RAB27A: variants seen among roughly 807,000 people sequenced by gnomAD.
RAB27A encodes ras-related protein Rab-27A.
RAB27A carries 17 observed loss-of-function variants against 20.8 expected under a neutral mutation model. The observed-to-expected ratio is 0.82, with a 90% CI of 0.56 to 1.23. The LOEUF (loss-of-function observed/expected upper bound fraction) is 1.23. Among genes scored for constraint, RAB27A ranks in the 50% most tolerant of loss-of-function variants. RAB27A has a pLI of 0.00. For missense variants in RAB27A, 277 were observed against 266.7 expected (o/e 1.04, Z -0.27); for synonymous variants, 85 against 92.8 (o/e 0.92, Z 0.48).
chr15:55,235,448 CA>C (rs1185497773), intron 2 of RAB27A, among the ~76,000 whole-genome samples: 2 of 150,604 alleles, frequency 1.3e-5, no homozygotes, highest in African/African-American at 4.9e-5. Context: ...AACTCTGTCT[CA>C]AAATAAAAAA....
chr15:55,228,738 A>C (rs754731192), intron 4 of RAB27A, 26 bp from the exon 5 acceptor site: 1 of 1,522,032 alleles, frequency 6.6e-7, no homozygotes, highest in Admixed American at 1.7e-5. Context: ...CAGAATGGTC[A>C]GTTAAACCAC....
At chr15:55,270,600 C>A (rs1024331298) in intron 1 of RAB27A, among the ~76,000 whole-genome samples, 2 of 152,196 alleles carry the variant, frequency 1.3e-5, no homozygotes, top group African/African-American at 2.4e-5. Context: ...TGAATCAAAA[C>A]AGTAGAACAT....
intron 5 of RAB27A, among the ~76,000 whole-genome samples, chr15:55,227,632 G>T (rs758367178): frequency 6.6e-6 from 1 of 152,140 alleles, no homozygotes; most frequent in Non-Finnish European, 1.5e-5. Flanking sequence ...TACTTTTTAA[G>T]GCTCAATGTC....
chr15:55,210,546 C>A (rs528710734), intron 6 of RAB27A, among the ~76,000 whole-genome samples: 99 of 151,796 alleles, frequency 6.5e-4, no homozygotes, highest in African/African-American at 2.2e-3. Flanking sequence ...TTTTTTCATA[C>A]ACCTGTTTGC....
At chr15:55,279,323 G>C (rs986906238) in intron 1 of RAB27A, among the ~76,000 whole-genome samples, 25 of 152,278 alleles carry the variant, frequency 1.6e-4, no homozygotes, top group Admixed American at 1.3e-4. Flanking sequence ...GGTGAAAATG[G>C]ATCCAGGACT....
intron 2 of RAB27A, among the ~76,000 whole-genome samples, chr15:55,262,405 G>A (rs919609392): frequency 1.3e-5 from 2 of 151,778 alleles, no homozygotes; most frequent in Admixed American, 6.6e-5. Context: ...AGCCGGGCGT[G>A]GTGGTAGGCA....
At chr15:55,291,940 A>C (rs1898322031), upstream of RAB27A, among the ~76,000 whole-genome samples, 1 of 152,194 alleles carries the variant, frequency 6.6e-6, no homozygotes, top group Admixed American at 6.5e-5. Context: ...GATAAATGAC[A>C]CCAAATCAAG....
At chr15:55,234,115 A>G (rs1896155844) in intron 3 of RAB27A, among the ~76,000 whole-genome samples, 1 of 152,198 alleles carries the variant, frequency 6.6e-6, no homozygotes, top group Non-Finnish European at 1.5e-5. Context: ...CAGGCCAACA[A>G]TGGATTTTTC....
chr15:55,314,672 A>C (rs915086086), intron 1 of RAB27A, among the ~76,000 whole-genome samples: 5 of 152,240 alleles, frequency 3.3e-5, no homozygotes, highest in African/African-American at 1.2e-4. Flanking sequence ...CAACTGCTAC[A>C]AACAGAATAA....
intron 6 of RAB27A, among the ~76,000 whole-genome samples, chr15:55,223,578 G>C (rs1895675370): frequency 1.3e-5 from 2 of 151,960 alleles, no homozygotes. Context: ...TTTACCCCAG[G>C]AGTCTCCTAT....
chr15:55,265,008 C>T (rs546650333), intron 2 of RAB27A, among the ~76,000 whole-genome samples: 1 of 152,164 alleles, frequency 6.6e-6, no homozygotes, highest in Non-Finnish European at 1.5e-5. Context: ...TTTGGGAGGC[C>T]GAGGTGGGCG....
chr15:55,285,254 G>C (rs1898117147), intron 1 of RAB27A, among the ~76,000 whole-genome samples: 1 of 146,166 alleles, frequency 6.8e-6, no homozygotes, highest in Non-Finnish European at 1.5e-5. Context: ...GCTGACTAAA[G>C]CACTACATGG....
intron 2 of RAB27A, among the ~76,000 whole-genome samples, chr15:55,311,116 A>G (rs1275582184): frequency 6.6e-6 from 1 of 152,172 alleles, no homozygotes; most frequent in East Asian, 1.9e-4. Flanking sequence ...TTGTCACCCT[A>G]TCATTGACCT....
intron 2 of RAB27A, among the ~76,000 whole-genome samples, chr15:55,257,847 G>A (rs769182443): frequency 4.6e-5 from 7 of 152,070 alleles, no homozygotes; most frequent in Admixed American, 3.3e-4. Flanking sequence ...ACAAAAATTA[G>A]CCAGGCGTGC....
At chr15:55,279,489 C>T (rs1427189550) in intron 1 of RAB27A, among the ~76,000 whole-genome samples, 1 of 152,182 alleles carries the variant, frequency 6.6e-6, no homozygotes, top group East Asian at 1.9e-4. Flanking sequence ...AGTTTGTAAG[C>T]CACTGTTCTA....
Position 55,203,505 on chromosome 15 carries a change from C to A in RAB27A, c.*2002G>T, listed in dbSNP as rs1356499895. ...TCTCGGCTCACTGCAAGCTCCGCCT[C>A]CCAGGTTCACGCCATTCTCCTGCCT... is the stretch of plus-strand genomic sequence containing the variant. On this transcript the variant is annotated 3_prime_UTR_variant, in exon 7 of 7. Coordinates refer to ENST00000336787, the MANE Select transcript of RAB27A (RefSeq NM_183235.3). The A allele has an allele frequency of 6.6e-6, 1 of 150,562 alleles. No homozygotes were observed. Among genetic ancestry groups the A allele is most frequent in the Non-Finnish European group, 1.5e-5 (1 of 67,762 alleles). The allele number at this position is 150,562 out of a possible 1,614,324, so 9.3% of individuals were successfully genotyped here. A position where few individuals can be genotyped will look rare whatever the true frequency, so the allele number is the denominator to read the frequency against.
intron 6 of RAB27A, among the ~76,000 whole-genome samples, chr15:55,210,083 TAC>T (rs1384265429): frequency 1.5e-5 from 2 of 134,810 alleles, no homozygotes; most frequent in Non-Finnish European, 3.2e-5. Context: ...TATACATATA[TAC>T]ACATATATGT....
At chr15:55,213,592 C>G (rs1030149259) in intron 6 of RAB27A, among the ~76,000 whole-genome samples, 11 of 152,182 alleles carry the variant, frequency 7.2e-5, no homozygotes, top group African/African-American at 2.7e-4. Flanking sequence ...CAGCTGCTCC[C>G]CATCACTCAC....
chr15:55,206,068 AG>A (rs1894635328), intron 6 of RAB27A, among the ~76,000 whole-genome samples: 1 of 151,916 alleles, frequency 6.6e-6, no homozygotes, highest in African/African-American at 2.4e-5. Context: ...AAAATTAGCC[AG>A]GAATGGTGGC....
Sources: gnomAD v4.1 joint callset for allele counts (sites outside exome capture counted in the v4.1 genomes callset) on GRCh38, gnomAD v4.1.1 for gene constraint, MANE v1.5 for transcripts, NCBI Gene and HGNC (gene_info 2026-07-23, HGNC 2026-07-21) for gene names.